SENP6: variants seen among roughly 807,000 people sequenced by gnomAD.
SENP6 encodes sentrin-specific protease 6.
SENP6 carries 41 observed loss-of-function variants against 134.5 expected under a neutral mutation model. That is an observed-to-expected ratio of 0.30 (90% CI 0.24 to 0.40). SENP6 has a LOEUF of 0.40. Among genes scored for constraint, SENP6 ranks in the 10% least tolerant of loss-of-function variants. The pLI, the probability that SENP6 is intolerant of heterozygous loss-of-function variation, is 1.00. For missense variants in SENP6, 1,248 were observed against 1,312.5 expected, an observed-to-expected ratio of 0.95 and a Z score of 0.76; for synonymous variants, 395 against 429.8, an observed-to-expected ratio of 0.92 and a Z score of 1.00.
At chr6:75,655,140 G>C (rs1486322245) in intron 7 of SENP6, 2 of 152,130 alleles carry the variant, frequency 1.3e-5, no homozygotes, top group Non-Finnish European at 2.9e-5. Flanking sequence ...CTCCTCTATT[G>C]GGGATGGTCG....
At chr6:75,627,705 T>C (rs1490206577) in intron 3 of SENP6, among the ~76,000 whole-genome samples, 2 of 152,146 alleles carry the variant, frequency 1.3e-5, no homozygotes, top group African/African-American at 2.4e-5. Flanking sequence ...TGAGACAGTC[T>C]TGCTCTGTCA....
intron 16 of SENP6, among the ~76,000 whole-genome samples, chr6:75,694,825 G>A (rs1774542098): frequency 6.6e-6 from 1 of 151,862 alleles, no homozygotes; most frequent in East Asian, 1.9e-4. Flanking sequence ...AATAATGTGG[G>A]GACATATGCT....
At chr6:75,633,054 T>C (rs1769229543) in intron 3 of SENP6, among the ~76,000 whole-genome samples, 1 of 152,208 alleles carries the variant, frequency 6.6e-6, no homozygotes, top group Non-Finnish European at 1.5e-5. Flanking sequence ...TTGCTCCTTT[T>C]GCCTGTTATA....
In SENP6 at chr6:75,623,962, C is replaced by T. The variant is rs1768471467; in HGVS notation, c.207+2C>T. ...TCTGAAACCTCAAAAGGAAAAAAGG[C>T]AAGTGTTGCTTAAAATATTTTCTTC... is the stretch of plus-strand genomic sequence containing the variant. On this transcript the variant is annotated splice_donor_variant, in intron 3 of 23. Transcript: ENST00000447266. LOFTEE classifies it low-confidence loss of function (GC_TO_GT_DONOR). 1.9e-6 allele frequency: 3 copies of T among 1,602,504 alleles called. No individual in the cohort carries two copies. The African/African-American group carries it at 4.0e-5, about 21-fold the overall frequency.
At chr6:75,694,366 A>G (rs898061493) in intron 16 of SENP6, among the ~76,000 whole-genome samples, 1 of 152,242 alleles carries the variant, frequency 6.6e-6, no homozygotes, top group Admixed American at 6.5e-5. Context: ...AAAAAATACT[A>G]TGCTGCTGGA....
chr6:75,674,361 G>A (rs1180284993), intron 11 of SENP6, among the ~76,000 whole-genome samples: 2 of 151,724 alleles, frequency 1.3e-5, no homozygotes, highest in Non-Finnish European at 2.9e-5. Context: ...CACTATTTTT[G>A]CCCAGGCTGG....
intron 3 of SENP6, among the ~76,000 whole-genome samples, chr6:75,624,557 C>T (rs1016947906): frequency 1.3e-5 from 2 of 151,994 alleles, no homozygotes; most frequent in African/African-American, 4.8e-5. Flanking sequence ...ATAATGTCTT[C>T]AACCTTTGAT....
intron 2 of SENP6, among the ~76,000 whole-genome samples, chr6:75,621,963 T>G (rs1374752006): frequency 6.6e-6 from 1 of 152,190 alleles, no homozygotes; most frequent in Non-Finnish European, 1.5e-5. Context: ...AATCCACCAT[T>G]TATCATGAGT....
intron 16 of SENP6, 180 bp downstream of exon 16, chr6:75,679,107 A>G (rs899148570): frequency 1.2e-5 from 6 of 481,752 alleles, no homozygotes; most frequent in Admixed American, 4.0e-5. Flanking sequence ...TGAGAATTCT[A>G]TCTAAAAAGT....
rs770980755 is a variant in SENP6 at position 75,713,593 on chromosome 6, C to T, written c.2978+12C>T. ...AAAATTTTAAGAGAGTAAGTTCACA[C>T]TTTATTTCGTATTCTGATGGGGATG... On this transcript the variant is annotated intron_variant, in intron 22 of 23. Transcript: ENST00000447266. The T allele has an allele frequency of 9.3e-6, 15 of 1,611,546 alleles. No homozygotes were observed. The highest frequency in any genetic ancestry group is 1.3e-5 in the Non-Finnish European group (15 of 1,177,980).
chr6:75,613,890 G>T (rs959898143), intron 1 of SENP6, among the ~76,000 whole-genome samples: 1 of 152,098 alleles, frequency 6.6e-6, no homozygotes, highest in Non-Finnish European at 1.5e-5. Flanking sequence ...TAGCAAAAGA[G>T]AAAAAATTCT....
intron 5 of SENP6, among the ~76,000 whole-genome samples, chr6:75,640,217 T>C (rs1471407483): frequency 6.6e-6 from 1 of 152,182 alleles, no homozygotes; most frequent in Non-Finnish European, 1.5e-5. Context: ...AAAAAACCCA[T>C]GTGCTCACAA....
chr6:75,607,529 A>C (rs186669206), intron 1 of SENP6, among the ~76,000 whole-genome samples: 3 of 151,540 alleles, frequency 2.0e-5, no homozygotes, highest in African/African-American at 7.3e-5. Flanking sequence ...GCACTTGTTC[A>C]TATCTAGTTT....
In SENP6 at chr6:75,665,914, G is replaced by A. The variant is rs180678931; in HGVS notation, c.995-798G>A. Among the ~76,000 whole-genome samples, 1,222 of 151,502 alleles carry A rather than the reference G, an allele frequency of 8.1e-3. 18 individuals are homozygous for A. The highest frequency in any genetic ancestry group is 0.028 in the African/African-American group (1,161 of 41,310). ...TAGTGGTGCACACATGTAATCCCAGGTGCTGGGGAGGCTGAGGCAGGAGAA... is the reference window on the plus strand; with the variant it reads ...TAGTGGTGCACACATGTAATCCCAGATGCTGGGGAGGCTGAGGCAGGAGAA... On this transcript the variant is annotated intron_variant, in intron 9 of 23. Transcript: ENST00000447266.
chr6:75,621,576 A>G lies in SENP6; in HGVS notation c.97A>G (p.Asn33Asp). The change falls in exon 2 of 24, where the codon AAT (asparagine) becomes GAT (aspartate). Residue 33 changes from asparagine to aspartate, a missense_variant. By Grantham distance (23) the Asn-to-Asp change is conservative. This residue lies in a region of SENP6 where 733 missense variants were observed against 725.4 expected (regional missense o/e 1.01). Transcript: ENST00000447266. ...TAAGAGAGATGGAGGTTTTAAAAAT[A>G]ATTGGAGCTTTGATCATGAAGAAGA... Reference protein sequence around the residue: ...ESKRDGGFKNNWSFDHEEESE... With the variant: ...ESKRDGGFKNDWSFDHEEESE... The G allele has an allele frequency of 6.2e-7, 1 of 1,612,322 alleles. No individual in the cohort carries two copies. The highest frequency in any genetic ancestry group is 1.1e-5 in the South Asian group (1 of 90,954).
chr6:75,630,633 C>T (rs369079545), intron 3 of SENP6, among the ~76,000 whole-genome samples: 1 of 152,116 alleles, frequency 6.6e-6, no homozygotes, highest in East Asian at 1.9e-4. Flanking sequence ...TAAGAGAAAT[C>T]CTTTATTAAA....
chr6:75,702,972 A>C lies in SENP6; in HGVS notation c.2616A>C (p.Glu872Asp), dbSNP rs1775142163. The C allele has an allele frequency of 1.2e-6, 2 of 1,614,008 alleles. No individual in the cohort carries two copies. Among genetic ancestry groups the C allele is most frequent in the African/African-American group, 1.3e-5 (1 of 75,064 alleles). ...TAAATCATACTGCGAGTGAAAATGA[A>C]GAATTCAATAAAGGAGAATCTACAT... ...KKINHTASEN[E>D]EFNKGESTSQ... Residue 872 changes from glutamate (E) to aspartate (D), a missense_variant, in exon 19 of 24, where the codon GAA becomes GAC. Transcript: ENST00000447266.
rs35079953 is a variant in SENP6 at position 75,665,285 on chromosome 6, CAAAA to C, written c.995-1414_995-1411del. Among the ~76,000 whole-genome samples the C allele has an allele frequency of 7.8e-5, 7 of 89,874 alleles. No homozygotes were observed. In the South Asian group the frequency reaches 1.4e-3, roughly 18 times the overall value. The allele number at this position is 89,874 out of a possible 152,430, so 59.0% of individuals were successfully genotyped here. On this transcript the variant is annotated intron_variant, in intron 9 of 23. Transcript: ENST00000447266. ...TGGGTGACAGAGTGAGACTCCGTCT[CAAAA>C]AAAAAAAAAAAAGTGATATTTAAAC... is the stretch of plus-strand genomic sequence containing the variant.
intron 14 of SENP6, 36 bp from the exon 15 acceptor site, chr6:75,678,547 T>C (rs767888669): frequency 1.0e-6 from 1 of 998,500 alleles, no homozygotes; most frequent in Non-Finnish European, 1.6e-6. Context: ...CTTTTCCTAA[T>C]TGACTGTAAA....
Sources: gnomAD v4.1 joint callset for allele counts (sites outside exome capture counted in the v4.1 genomes callset) on GRCh38, gnomAD v4.1.1 for gene constraint, gnomAD v4.1.1 regional missense constraint, MANE v1.5 for transcripts, NCBI Gene and HGNC (gene_info 2026-07-23, HGNC 2026-07-21) for gene names.